Variants in CDH12 observed in about 807,000 individuals in gnomAD.
CDH12 encodes cadherin-12.
CDH12 carries 41 observed loss-of-function variants against 74.1 expected under a neutral mutation model. The observed-to-expected ratio is 0.55, with a 90% CI of 0.43 to 0.72. The LOEUF (loss-of-function observed/expected upper bound fraction) is 0.72, where lower values mean the gene tolerates loss of function less well. Among genes scored for constraint, CDH12 ranks in the 30% least tolerant of loss-of-function variants. CDH12 has a pLI of 0.00. For synonymous variants in CDH12, 399 were observed against 355.0 expected (o/e 1.12, Z -1.39); for missense variants, 945 against 977.2 (o/e 0.97, Z 0.44).
chr5:21,907,672 C>T (rs1440744029), intron 6 of CDH12, among the ~76,000 whole-genome samples: 1 of 152,196 alleles, frequency 6.6e-6, no homozygotes, highest in Non-Finnish European at 1.5e-5. Flanking sequence ...AGAGCCAGCC[C>T]TAGGGCAGGA....
intron 6 of CDH12, among the ~76,000 whole-genome samples, chr5:21,912,830 AAG>A (rs373722758): frequency 9.8e-4 from 149 of 152,056 alleles, no homozygotes; most frequent in African/African-American, 3.3e-3. Context: ...TTTGGGGAAA[AAG>A]GGTGCTGGTT....
At chr5:22,412,007 T>C (rs1199847087) in intron 2 of CDH12, among the ~76,000 whole-genome samples, 2 of 152,058 alleles carry the variant, frequency 1.3e-5, no homozygotes, top group Non-Finnish European at 2.9e-5. Flanking sequence ...TAATGTGCAA[T>C]GTGCTTTTAA....
chr5:22,315,984 A>G (rs1738618235), intron 3 of CDH12, among the ~76,000 whole-genome samples: 1 of 151,970 alleles, frequency 6.6e-6, no homozygotes, highest in African/African-American at 2.4e-5. Context: ...TCAGCCAGCT[A>G]ACGGGAACGT....
chr5:22,434,937 CA>C (rs1744317763), intron 2 of CDH12, among the ~76,000 whole-genome samples: 1 of 152,154 alleles, frequency 6.6e-6, no homozygotes, highest in Admixed American at 6.6e-5. Context: ...CAACTTACTA[CA>C]TCTTGCTTCT....
intron 3 of CDH12, among the ~76,000 whole-genome samples, chr5:22,302,227 C>T (rs1205193200): frequency 2.6e-5 from 4 of 151,958 alleles, no homozygotes; most frequent in East Asian, 1.9e-4. Flanking sequence ...CTAGTACATC[C>T]GCTCTACATA....
chr5:22,752,804 G>C (rs1246302276), intron 1 of CDH12, among the ~76,000 whole-genome samples: 2 of 151,402 alleles, frequency 1.3e-5, no homozygotes, highest in African/African-American at 4.9e-5. Flanking sequence ...TCGATCTCCT[G>C]ACCTCGTGAT....
chr5:22,756,747 G>A (rs1160926201), intron 1 of CDH12, among the ~76,000 whole-genome samples: 2 of 152,050 alleles, frequency 1.3e-5, no homozygotes, highest in African/African-American at 4.8e-5. Flanking sequence ...GGATCACGAG[G>A]TCAGGAGTTC....
At chr5:22,666,283 T>TTTTTTTTTTTTTTTTC (rs1740612304) in intron 1 of CDH12, among the ~76,000 whole-genome samples, 1 of 49,460 alleles carries the variant, frequency 2.0e-5, no homozygotes, top group Admixed American at 2.3e-4. Context: ...TCTCTCTATC[T>TTTTTTTTTTTTTTTTC]TTTTTTTTTT....
chr5:22,003,972 G>T (rs961396436), intron 5 of CDH12, among the ~76,000 whole-genome samples: 2 of 150,888 alleles, frequency 1.3e-5, no homozygotes, highest in African/African-American at 4.9e-5. Flanking sequence ...TCCCATTTCT[G>T]TCTCAGCACT....
intron 1 of CDH12, among the ~76,000 whole-genome samples, chr5:22,700,837 G>A (rs1742676382): frequency 6.6e-6 from 1 of 152,128 alleles, no homozygotes; most frequent in Admixed American, 6.6e-5. Context: ...TTAACTTTGA[G>A]CCAATTTAAA....
At chr5:22,597,795 G>T (rs1736673492) in intron 1 of CDH12, among the ~76,000 whole-genome samples, 1 of 152,172 alleles carries the variant, frequency 6.6e-6, no homozygotes, top group Non-Finnish European at 1.5e-5. Flanking sequence ...CATAATTAAT[G>T]TGGACTTCCA....
At chr5:22,572,902 C>G (rs1341048117) in intron 1 of CDH12, among the ~76,000 whole-genome samples, 1 of 152,176 alleles carries the variant, frequency 6.6e-6, no homozygotes, top group East Asian at 1.9e-4. Context: ...GTTTTACATC[C>G]TTCAGATGTC....
intron 3 of CDH12, among the ~76,000 whole-genome samples, chr5:22,367,997 A>T (rs1481987413): frequency 6.6e-6 from 1 of 152,176 alleles, no homozygotes; most frequent in Non-Finnish European, 1.5e-5. Context: ...CAGAAATACG[A>T]AGTAAATTCT....
intron 1 of CDH12, among the ~76,000 whole-genome samples, chr5:22,831,887 ACT>A (rs941816074): frequency 1.3e-5 from 2 of 151,936 alleles, no homozygotes; most frequent in African/African-American, 4.8e-5. Context: ...ACAAAGCAAG[ACT>A]CTGTCCCCCC....
Position 21,812,744 on chromosome 5 carries a change from G to T in CDH12, c.1002+4201C>A, listed in dbSNP as rs1404847489. The stretch of plus-strand genomic sequence containing the variant: ...GATACAATATATACAATAGATAGGT[G>T]GACAGTTTTTAAGTTTCATTACAAA... On this transcript the variant is annotated intron_variant, in intron 9 of 14. Transcript: ENST00000382254. Among the ~76,000 whole-genome samples, 5 of 152,088 alleles carry T rather than the reference G, an allele frequency of 3.3e-5. No individual in the cohort carries two copies. In the East Asian group the frequency reaches 9.6e-4, roughly 29 times the overall value.
At chr5:22,645,966 T>A (rs1739414448) in intron 1 of CDH12, among the ~76,000 whole-genome samples, 1 of 152,028 alleles carries the variant, frequency 6.6e-6, no homozygotes, top group South Asian at 2.1e-4. Context: ...ACAAAAAGGA[T>A]TTTTTTGTGC....
chr5:21,926,251 G>C (rs1754579917), intron 6 of CDH12, among the ~76,000 whole-genome samples: 1 of 152,182 alleles, frequency 6.6e-6, no homozygotes, highest in Non-Finnish European at 1.5e-5. Context: ...CTGGGAATCA[G>C]ACTGTCCTAG....
chr5:21,751,985 T>C lies in CDH12; in HGVS notation c.2137A>G (p.Ile713Val). 2 of 1,614,122 alleles carry C rather than the reference T, an allele frequency of 1.2e-6. No homozygotes were observed. The highest frequency in any genetic ancestry group is 1.1e-5 in the South Asian group (1 of 91,078). ...QRPPMEDNTD[I>V]RDFIHQRLQE... Reference sequence around the variant, plus strand: ...AGCCTTTGATGAATGAAATCCCTTATGTCTGTGTTATCTTCCATGGGTGGT... The same window carrying C: ...AGCCTTTGATGAATGAAATCCCTTACGTCTGTGTTATCTTCCATGGGTGGT... The change falls in exon 15 of 15, where the codon ATA becomes GTA. Residue 713 changes from isoleucine (I) to valine (V), a missense_variant. By Grantham distance (29) the Ile-to-Val change is conservative. This residue lies in a region of CDH12 where 791 missense variants were observed against 792.8 expected (regional missense o/e 1.00). Coordinates refer to ENST00000382254, the MANE Select transcript of CDH12 (RefSeq NM_004061.5).
intron 1 of CDH12, among the ~76,000 whole-genome samples, chr5:22,748,875 A>G (rs952033766): frequency 3.9e-5 from 6 of 152,144 alleles, no homozygotes; most frequent in African/African-American, 7.2e-5. Flanking sequence ...GTTTGACTTC[A>G]GTTCATCAGT....
Sources: allele counts gnomAD v4.1 joint callset (sites outside exome capture counted in the v4.1 genomes callset), GRCh38; gene constraint gnomAD v4.1.1; regional missense constraint gnomAD v4.1.1; transcripts MANE v1.5; gene names NCBI Gene and HGNC (gene_info 2026-07-23, HGNC 2026-07-21).